Variants in PRKG1 observed in about 807,000 individuals in gnomAD.
The protein encoded by PRKG1 is cGMP-dependent protein kinase 1.
In PRKG1, 35 loss-of-function variants were observed where a neutral mutation model predicts 88.1. The ratio of observed to expected loss-of-function variants is 0.40; its 90% CI spans 0.30 to 0.53. The LOEUF is 0.53. PRKG1 is among the 20% of genes least tolerant of loss of function. The pLI, the probability that PRKG1 is intolerant of heterozygous loss-of-function variation, is 0.59. For synonymous variants in PRKG1, 303 were observed against 292.5 expected (o/e 1.04, Z -0.37); for missense variants, 540 against 839.8 (o/e 0.64, Z 4.41).
intron 2 of PRKG1, among the ~76,000 whole-genome samples, chr10:51,164,999 C>G (rs1846493985): frequency 6.6e-6 from 1 of 152,098 alleles, no homozygotes; most frequent in Non-Finnish European, 1.5e-5. Flanking sequence ...GGAGAACTTC[C>G]CCAATCTAGC....
chr10:51,978,798 T>A (rs1311552662), intron 5 of PRKG1, among the ~76,000 whole-genome samples: 1 of 152,042 alleles, frequency 6.6e-6, no homozygotes, highest in Non-Finnish European at 1.5e-5. Flanking sequence ...AGTGATTTTT[T>A]GTATGTTGAT....
intron 9 of PRKG1, among the ~76,000 whole-genome samples, chr10:52,166,796 T>TATATATATATATATAC (rs1296594876): frequency 1.3e-4 from 8 of 59,746 alleles, no homozygotes; most frequent in African/African-American, 4.3e-4. Context: ...CCTATATATA[T>TATATATATATATATAC]ACATATATAT....
intron 3 of PRKG1, among the ~76,000 whole-genome samples, chr10:51,683,038 A>T (rs192201680): frequency 5.3e-5 from 8 of 152,336 alleles, no homozygotes; most frequent in Admixed American, 2.0e-4. Flanking sequence ...TTATCCATTT[A>T]CTTACCAGAG....
intron 6 of PRKG1, among the ~76,000 whole-genome samples, chr10:52,056,008 C>A (rs1336648496): frequency 5.3e-5 from 8 of 151,972 alleles, no homozygotes; most frequent in Admixed American, 5.2e-4. Flanking sequence ...ATGAAGAAAA[C>A]AATATTTATA....
intron 2 of PRKG1, among the ~76,000 whole-genome samples, chr10:51,386,722 A>G (rs1042482370): frequency 6.6e-6 from 1 of 152,172 alleles, no homozygotes; most frequent in African/African-American, 2.4e-5. Flanking sequence ...TGTTTGATCA[A>G]TTGTCTAGGC....
chr10:51,287,347 G>A (rs1840468779), intron 2 of PRKG1, among the ~76,000 whole-genome samples: 1 of 152,146 alleles, frequency 6.6e-6, no homozygotes, highest in South Asian at 2.1e-4. Context: ...AGAGAATATG[G>A]GAATTCACTG....
chr10:51,137,060 T>G (rs1226275839), intron 1 of PRKG1, among the ~76,000 whole-genome samples: 1 of 152,124 alleles, frequency 6.6e-6, no homozygotes, highest in Admixed American at 6.5e-5. Context: ...AATTTTTTTG[T>G]GTTTTTGGTA....
intron 2 of PRKG1, among the ~76,000 whole-genome samples, chr10:51,393,879 G>C (rs1316380668): frequency 6.6e-6 from 1 of 151,950 alleles, no homozygotes; most frequent in Admixed American, 6.6e-5. Flanking sequence ...GTACTATTTG[G>C]GGGTATATAT....
chr10:51,114,733 C>T (rs1238574948), intron 1 of PRKG1, among the ~76,000 whole-genome samples: 1 of 152,012 alleles, frequency 6.6e-6, no homozygotes, highest in Non-Finnish European at 1.5e-5. Context: ...CTGGTGTACT[C>T]TTTTCAGCTG....
chr10:51,334,130 C>A (rs1841807251), intron 2 of PRKG1, among the ~76,000 whole-genome samples: 1 of 150,048 alleles, frequency 6.7e-6, no homozygotes, highest in Non-Finnish European at 1.5e-5. Context: ...GTCCACTGCC[C>A]TTCCTTTCTT....
At chr10:51,594,565 G>A (rs1218159347) in intron 3 of PRKG1, among the ~76,000 whole-genome samples, 1 of 152,224 alleles carries the variant, frequency 6.6e-6, no homozygotes, top group Admixed American at 6.5e-5. Context: ...CTCTGCATGT[G>A]TATCTGTGAT....
chr10:51,188,941 T>C (rs180844504), intron 2 of PRKG1, among the ~76,000 whole-genome samples: 1 of 151,890 alleles, frequency 6.6e-6, no homozygotes, highest in East Asian at 1.9e-4. Context: ...GTGTCTGCAG[T>C]TTAGCTTATT....
chr10:51,346,953 A>C (rs974546140), intron 2 of PRKG1, among the ~76,000 whole-genome samples: 1 of 152,096 alleles, frequency 6.6e-6, no homozygotes. Flanking sequence ...ACAGACATAG[A>C]ATGGGCTTCA....
chr10:52,233,719 C>G, intron 9 of PRKG1, among the ~76,000 whole-genome samples: 2 of 145,762 alleles, frequency 1.4e-5, no homozygotes, highest in African/African-American at 5.0e-5. Flanking sequence ...AACTGCAAGG[C>G]GGCAGCGAGG....
intron 5 of PRKG1, among the ~76,000 whole-genome samples, chr10:51,942,773 C>T (rs1670313485): frequency 6.6e-6 from 1 of 151,274 alleles, no homozygotes; most frequent in Admixed American, 6.6e-5. Context: ...AGATATATGG[C>T]ATTATTTCTG....
rs561147365 is a variant in PRKG1, at chr10:51,309,112, G to A, written c.478+155782G>A. ...GGGCTTCTTCTGGCAGGTATGAACA[G>A]TCTTCCAGTTGGTCAAGTGCAACAA... is the stretch of plus-strand genomic sequence containing the variant. On this transcript the variant is annotated intron_variant, in intron 2 of 17. Transcript: ENST00000373980. Among the ~76,000 whole-genome samples the A allele has an allele frequency of 3.9e-5, 6 of 152,284 alleles. No individual in the cohort carries two copies. In the South Asian group the frequency reaches 1.2e-3, roughly 32 times the overall value.
chr10:51,368,833 A>T (rs1358229671), intron 2 of PRKG1, among the ~76,000 whole-genome samples: 1 of 152,102 alleles, frequency 6.6e-6, no homozygotes, highest in Non-Finnish European at 1.5e-5. Flanking sequence ...ATGGGAGCGT[A>T]GTGTCCTCAG....
intron 3 of PRKG1, among the ~76,000 whole-genome samples, chr10:51,539,543 A>G (rs1488516731): frequency 1.3e-5 from 2 of 152,202 alleles, no homozygotes; most frequent in African/African-American, 4.8e-5. Context: ...GCTGACCTGA[A>G]TGATTTTCTC....
At chr10:51,932,009 G>A (rs930016686) in intron 5 of PRKG1, among the ~76,000 whole-genome samples, 1 of 152,066 alleles carries the variant, frequency 6.6e-6, no homozygotes. Flanking sequence ...TCTGTAGAAA[G>A]CAATTTTCTC....
Sources: allele counts gnomAD v4.1 joint callset (sites outside exome capture counted in the v4.1 genomes callset), GRCh38; gene constraint gnomAD v4.1.1; transcripts MANE v1.5; gene names NCBI Gene and HGNC (gene_info 2026-07-23, HGNC 2026-07-21).